DOCK10: variants seen among roughly 807,000 people sequenced by gnomAD.
DOCK10 encodes dedicator of cytokinesis 10.
A neutral mutation model predicts 280.1 loss-of-function variants in DOCK10; 145 were observed. The ratio of observed to expected loss-of-function variants is 0.52; its 90% CI spans 0.45 to 0.59. DOCK10 has a LOEUF of 0.59. Among genes scored for constraint, DOCK10 ranks in the 20% least tolerant of loss-of-function variants. The pLI is 0.00. For missense variants in DOCK10, 2,368 were observed against 2,651.7 expected, an observed-to-expected ratio of 0.89 and a Z score of 2.35; for synonymous variants, 915 against 942.2, an observed-to-expected ratio of 0.97 and a Z score of 0.53.
intron 48 of DOCK10, 124 bp from the exon 49 acceptor site, chr2:224,787,521 C>A (rs547201555): frequency 1.6e-6 from 2 of 1,216,946 alleles, no homozygotes; most frequent in East Asian, 2.3e-5. Context: ...TAAAACCCAG[C>A]AGGGGATCGT....
Position 224,778,191 on chromosome 2 carries a change from A to T in DOCK10, c.5749T>A (p.Tyr1917Asn). 6.2e-7 allele frequency: 1 copy of T among 1,613,326 alleles called. No homozygotes were observed. The highest frequency in any genetic ancestry group is 2.2e-5 in the East Asian group (1 of 44,832). Residue 1917 changes from tyrosine (Y) to asparagine (N), a missense_variant, in exon 51 of 56, where the codon TAT becomes AAT. Coordinates refer to ENST00000258390, the MANE Select transcript of DOCK10 (RefSeq NM_014689.3). ...SEISQRLLKLYADKFGADNVK... is the reference protein window; with the variant it reads ...SEISQRLLKLNADKFGADNVK... ...TTGTCTGCTCCAAATTTATCTGCAT[A>T]GAGCTTGAGTAATCTTTGGGAAATC...
chr2:225,005,717 C>T (rs1430109050), intron 1 of DOCK10, among the ~76,000 whole-genome samples: 5 of 152,196 alleles, frequency 3.3e-5, no homozygotes, highest in African/African-American at 9.7e-5. Flanking sequence ...CAAGCCCACT[C>T]GGTCTTTGTG....
chr2:224,913,954 G>A (rs1701177789), intron 3 of DOCK10, among the ~76,000 whole-genome samples: 1 of 152,062 alleles, frequency 6.6e-6, no homozygotes, highest in Non-Finnish European at 1.5e-5. Flanking sequence ...TAGCCAGATG[G>A]TCTCGATCTC....
At chr2:225,038,400 A>T (rs1690324792) in intron 1 of DOCK10, among the ~76,000 whole-genome samples, 1 of 152,130 alleles carries the variant, frequency 6.6e-6, no homozygotes, top group Non-Finnish European at 1.5e-5. Flanking sequence ...ATTACTTCTC[A>T]ATCAAAGCTC....
chr2:224,886,888 A>ACCCCCCCCCCCCCCCC (rs200245451), intron 4 of DOCK10, among the ~76,000 whole-genome samples: 1 of 142,480 alleles, frequency 7.0e-6, no homozygotes, highest in Admixed American at 6.8e-5. Flanking sequence ...CACCCCCAAC[A>ACCCCCCCCCCCCCCCC]CCCCCCCAAG....
At chr2:224,809,723 A>G (rs1236418518) in intron 31 of DOCK10, among the ~76,000 whole-genome samples, 1 of 152,066 alleles carries the variant, frequency 6.6e-6, no homozygotes, top group East Asian at 1.9e-4. Flanking sequence ...TATTGGTGTA[A>G]AGAAAAGGGA....
At chr2:224,839,048 T>C (rs959706465) in intron 24 of DOCK10, among the ~76,000 whole-genome samples, 1 of 152,020 alleles carries the variant, frequency 6.6e-6, no homozygotes, top group African/African-American at 2.4e-5. Flanking sequence ...CGAAGACTTA[T>C]GTTTACACAA....
intron 3 of DOCK10, among the ~76,000 whole-genome samples, chr2:224,915,325 T>C (rs1701246825): frequency 1.3e-5 from 2 of 152,244 alleles, no homozygotes; most frequent in African/African-American, 4.8e-5. Context: ...ATCATACTGA[T>C]ATCACACACT....
chr2:224,960,042 G>C (rs2126157914), intron 1 of DOCK10, among the ~76,000 whole-genome samples: 1 of 152,264 alleles, frequency 6.6e-6, no homozygotes, highest in African/African-American at 2.4e-5. Context: ...CAAACAAGGT[G>C]ACCTGACCCA....
chr2:224,773,948 C>T (rs917520648), intron 52 of DOCK10, among the ~76,000 whole-genome samples: 21 of 152,140 alleles, frequency 1.4e-4, no homozygotes, highest in Admixed American at 1.2e-3. Flanking sequence ...AATTTCTAAA[C>T]ACTGAAAAGA....
At chr2:224,979,157 G>A (rs1176879798) in intron 1 of DOCK10, among the ~76,000 whole-genome samples, 2 of 152,100 alleles carry the variant, frequency 1.3e-5, no homozygotes, top group Non-Finnish European at 2.9e-5. Context: ...CCTGCTTCAG[G>A]ACCTCCCAGT....
intron 3 of DOCK10, among the ~76,000 whole-genome samples, chr2:224,909,656 G>C (rs1158573442): frequency 6.6e-6 from 1 of 152,016 alleles, no homozygotes; most frequent in African/African-American, 2.4e-5. Flanking sequence ...TGTGAACTTG[G>C]GCGAGTTCAT....
At position 224,827,953 on chromosome 2, in the gene DOCK10, C is replaced by T. The variant is rs887474637; in HGVS notation, c.3036+2588G>A. On this transcript the variant is annotated intron_variant, in intron 27 of 55. Transcript: ENST00000258390. ...GACTCTGAGGAAGTGGCTCTGCACACTTCCCTGAAGCCTTAGTGCTAGCAG... is the reference window on the plus strand; with the variant it reads ...GACTCTGAGGAAGTGGCTCTGCACATTTCCCTGAAGCCTTAGTGCTAGCAG... Among the ~76,000 whole-genome samples the T allele has an allele frequency of 5.5e-4, 84 of 152,298 alleles. 1 individual carries two copies. Among genetic ancestry groups the T allele is most frequent in the African/African-American group, 2.0e-3 (82 of 41,562 alleles).
At position 224,931,558 on chromosome 2, in the gene DOCK10, A is replaced by C; in HGVS notation, c.234T>G (p.Asp78Glu). The C allele has an allele frequency of 6.2e-7, 1 of 1,608,856 alleles. No homozygotes were observed. The highest frequency in any genetic ancestry group is 8.5e-7 in the Non-Finnish European group (1 of 1,177,472). Reference sequence around the variant, plus strand: ...AGAAGAGAAGACTTACTGAAAAGTCATCACTGGGGAAGAACAAGAGATCTT... The same window carrying C: ...AGAAGAGAAGACTTACTGAAAAGTCCTCACTGGGGAAGAACAAGAGATCTT... The part of the protein sequence containing the change: ...PLQDLLFFPS[D>E]DFSAATVSWD... The change falls in exon 2 of 56, where the codon GAT (aspartate) becomes GAG (glutamate). Residue 78 changes from aspartate (D) to glutamate (E), a missense_variant. Asp to Glu is a conservative substitution (Grantham distance 45, BLOSUM62 2). This residue lies in a region of DOCK10 where 1,209 missense variants were observed against 1,250.9 expected (regional missense o/e 0.97). Transcript: ENST00000258390.
At chr2:224,768,751 A>G (rs929704729) in intron 55 of DOCK10, 15 of 272,636 alleles carry the variant, frequency 5.5e-5, no homozygotes, top group Middle Eastern at 4.4e-4. Context: ...TTCTAATTAA[A>G]TAAAAACTTA....
chr2:224,816,533 A>G, intron 30 of DOCK10, 84 bp downstream of exon 30: 3 of 860,316 alleles, frequency 3.5e-6, no homozygotes, highest in Non-Finnish European at 5.6e-6. Context: ...AGAAACAGGA[A>G]AATAATAATA....
intron 2 of DOCK10, 130 bp downstream of exon 2, chr2:224,931,419 C>G: frequency 9.6e-7 from 1 of 1,045,464 alleles, no homozygotes; most frequent in Non-Finnish European, 1.3e-6. Flanking sequence ...AGGATGTGAA[C>G]TCCTGCTGCA....
intron 31 of DOCK10, among the ~76,000 whole-genome samples, chr2:224,813,259 G>A (rs566358102): frequency 1.3e-5 from 2 of 152,270 alleles, no homozygotes; most frequent in East Asian, 1.9e-4. Context: ...GCAGTGGCAC[G>A]ATCTTGGCTC....
At chr2:224,797,263 C>CT in intron 42 of DOCK10, 117 bp from the exon 43 acceptor site, 3 of 731,144 alleles carry the variant, frequency 4.1e-6, no homozygotes, top group South Asian at 3.5e-5. Context: ...TTAACTTGGT[C>CT]TATTTTTTTT....
Sources: allele counts gnomAD v4.1 joint callset (sites outside exome capture counted in the v4.1 genomes callset), GRCh38; gene constraint gnomAD v4.1.1; regional missense constraint gnomAD v4.1.1; transcripts MANE v1.5; gene names NCBI Gene and HGNC (gene_info 2026-07-23, HGNC 2026-07-21).